The following AK8 variants were observed in gnomAD, a reference collection of about 807,000 sequenced individuals.
AK8 encodes the protein ATP-AMP transphosphorylase 8.
In AK8, 44 loss-of-function variants were observed where a neutral mutation model predicts 54.6. That is an observed-to-expected ratio of 0.81 (90% CI 0.63 to 1.04). The LOEUF is 1.04. AK8 is among the 50% of genes least tolerant of loss of function. The pLI is 0.00. For synonymous variants in AK8, 239 were observed against 245.6 expected, an observed-to-expected ratio of 0.97 and a Z score of 0.25; for missense variants, 555 against 613.6, an observed-to-expected ratio of 0.90 and a Z score of 1.01.
rs1475746465 is a variant in AK8, at chr9:132,791,838, C to T, written c.1121+796G>A. Among the ~76,000 whole-genome samples the T allele has an allele frequency of 1.3e-5, 2 of 152,190 alleles. No individual in the cohort carries two copies. The highest frequency in any genetic ancestry group is 4.8e-5 in the African/African-American group (2 of 41,436). ...GACTTGATCAGGAATTGACAGCTTC[C>T]CTCATTTTTGCCACCATTTGCAAGG... On this transcript the variant is annotated intron_variant, in intron 11 of 12. Coordinates refer to ENST00000298545, the MANE Select transcript of AK8 (RefSeq NM_152572.3). The surrounding 1 kb of genome is among the most constrained non-coding windows in gnomAD (Gnocchi z 4.0).
chr9:132,874,908 A>G lies in AK8; in HGVS notation c.169+207T>C, dbSNP rs367887143. Among the ~76,000 whole-genome samples the G allele has an allele frequency of 2.6e-5, 4 of 152,306 alleles. No homozygotes were observed. In the East Asian group the frequency reaches 7.7e-4, roughly 29 times the overall value. On this transcript the variant is annotated intron_variant, in intron 2 of 12. Transcript: ENST00000298545. ...CCAAAAGAAATCAAGGCATTTTTCAATGAACCACCACCTCAAGTTGATGAA... is the reference window on the plus strand; with the variant it reads ...CCAAAAGAAATCAAGGCATTTTTCAGTGAACCACCACCTCAAGTTGATGAA...
chr9:132,827,729 G>C, intron 7 of AK8: 1 of 449,076 alleles, frequency 2.2e-6, no homozygotes, highest in Non-Finnish European at 4.0e-6. Flanking sequence ...CCTGGCTCCT[G>C]TGTGGGCCCC....
chr9:132,871,318 C>T (rs1213669360), intron 2 of AK8, among the ~76,000 whole-genome samples: 12 of 152,086 alleles, frequency 7.9e-5, no homozygotes, highest in Non-Finnish European at 5.9e-5. Context: ...CCCCTGTCTC[C>T]CTTCCTCCTT....
chr9:132,766,986 T>C (rs1838751276), intron 11 of AK8, among the ~76,000 whole-genome samples: 1 of 152,094 alleles, frequency 6.6e-6, no homozygotes, highest in Admixed American at 6.6e-5. Context: ...CAAATCAAAA[T>C]AGATTGAAGA....
chr9:132,852,944 G>A (rs754848624), intron 5 of AK8, among the ~76,000 whole-genome samples: 2 of 151,928 alleles, frequency 1.3e-5, no homozygotes, highest in Non-Finnish European at 2.9e-5. Flanking sequence ...AGAAATAAAG[G>A]CTAAAAACTT....
intron 5 of AK8, among the ~76,000 whole-genome samples, chr9:132,841,581 C>T (rs115731603): frequency 3.3e-4 from 51 of 152,320 alleles, no homozygotes; most frequent in African/African-American, 1.2e-3. Context: ...CCTGACCTGC[C>T]AGTCAGGTAG....
chr9:132,739,848 C>T (rs1837286020), intron 11 of AK8, among the ~76,000 whole-genome samples: 1 of 152,228 alleles, frequency 6.6e-6, no homozygotes, highest in African/African-American at 2.4e-5. Context: ...GGTCCAGGCC[C>T]CAAGGGGGAG....
rs1840587603 is a variant in AK8 at position 132,803,932 on chromosome 9, C to T, written c.979+10706G>A. On this transcript the variant is annotated intron_variant, in intron 10 of 12. Coordinates refer to ENST00000298545, the MANE Select transcript of AK8 (RefSeq NM_152572.3). The surrounding 1 kb of genome is among the most constrained non-coding windows in gnomAD (Gnocchi z 4.4). ...GGAGACCTGGCCAATATGGTGAAAC[C>T]CCATCTCTACTAAAAATACAAAAAT... Among the ~76,000 whole-genome samples the T allele has an allele frequency of 6.6e-6, 1 of 151,870 alleles. No individual in the cohort carries two copies. Among genetic ancestry groups the T allele is most frequent in the Admixed American group, 6.6e-5 (1 of 15,246 alleles).
At chr9:132,736,675 C>T (rs945663174) in intron 11 of AK8, among the ~76,000 whole-genome samples, 1 of 151,116 alleles carries the variant, frequency 6.6e-6, no homozygotes, top group Non-Finnish European at 1.5e-5. Flanking sequence ...GTCCCAGCTA[C>T]TCCGGAGGCT....
intron 11 of AK8, among the ~76,000 whole-genome samples, chr9:132,733,617 A>T (rs1836964856): frequency 6.6e-6 from 1 of 152,242 alleles, no homozygotes; most frequent in African/African-American, 2.4e-5. Context: ...GCCCTGCTCC[A>T]TGCTGGAAGC....
intron 5 of AK8, among the ~76,000 whole-genome samples, chr9:132,829,656 A>C (rs1842028458): frequency 6.6e-6 from 1 of 151,536 alleles, no homozygotes; most frequent in South Asian, 2.1e-4. Flanking sequence ...AACTTGTTAC[A>C]GGATTGAAAT....
At position 132,758,932 on chromosome 9, in the gene AK8, G is replaced by A. The variant is rs1014324820; in HGVS notation, c.1122-31398C>T. ...TACAGTTCCAGCCGGGCATGACAGC[G>A]CATGCCTGTAATCCCAGGACTTTGG... On this transcript the variant is annotated intron_variant, in intron 11 of 12. Transcript: ENST00000298545. Among the ~76,000 whole-genome samples, 14 of 152,008 alleles carry A rather than the reference G, an allele frequency of 9.2e-5. No individual in the cohort carries two copies. The East Asian group carries it at 1.4e-3, about 15-fold the overall frequency.
intron 2 of AK8, among the ~76,000 whole-genome samples, chr9:132,868,126 C>T (rs1188018038): frequency 1.3e-5 from 2 of 152,204 alleles, no homozygotes; most frequent in East Asian, 3.8e-4. Flanking sequence ...CTCACATGAG[C>T]CTCTAACGTC....
At chr9:132,851,222 C>T (rs554309828) in intron 5 of AK8, among the ~76,000 whole-genome samples, 26 of 152,346 alleles carry the variant, frequency 1.7e-4, no homozygotes, top group Non-Finnish European at 3.5e-4. Context: ...CTCCTGCCTC[C>T]AGGCAGTCCT....
chr9:132,772,856 T>C lies in AK8; in HGVS notation c.1121+19778A>G, dbSNP rs193092066. On this transcript the variant is annotated intron_variant, in intron 11 of 12. Coordinates refer to ENST00000298545, the MANE Select transcript of AK8 (RefSeq NM_152572.3). ...GGTACCAATTCTACCTTCAAAAGAC[T>C]TCTCACCACCTCCACAGCTACCACC... 8.1e-4 allele frequency among the ~76,000 whole-genome samples: 123 copies of C among 152,258 alleles called. 1 individual carries two copies. Among genetic ancestry groups the C allele is most frequent in the African/African-American group, 2.8e-3 (115 of 41,558 alleles).
chr9:132,771,108 C>T (rs542105243), intron 11 of AK8, among the ~76,000 whole-genome samples: 2 of 152,326 alleles, frequency 1.3e-5, no homozygotes, highest in East Asian at 3.9e-4. Flanking sequence ...AGTCCGAGTC[C>T]GTCTCCACTG....
chr9:132,856,753 G>A (rs1843187965), intron 4 of AK8, among the ~76,000 whole-genome samples: 1 of 152,132 alleles, frequency 6.6e-6, no homozygotes, highest in African/African-American at 2.4e-5. Context: ...CGGGAGCTGC[G>A]GCAGCCACTT....
At chr9:132,732,395 ATTCAGGATTATATCT>A (rs879404106) in intron 11 of AK8, among the ~76,000 whole-genome samples, 9 of 152,000 alleles carry the variant, frequency 5.9e-5, no homozygotes, top group Non-Finnish European at 1.2e-4. Context: ...CTTCTATGGC[ATTCAGGATTATATCT>A]TTCAGGATTA....
intron 4 of AK8, among the ~76,000 whole-genome samples, chr9:132,857,513 C>G (rs1449060062): frequency 6.6e-6 from 1 of 152,098 alleles, no homozygotes; most frequent in Admixed American, 6.5e-5. Context: ...CCCTCTGCAT[C>G]CCCCCTCCGT....
Sources: gnomAD v4.1 joint callset for allele counts (sites outside exome capture counted in the v4.1 genomes callset) on GRCh38, gnomAD v4.1.1 for gene constraint, Gnocchi (gnomAD v3.1) non-coding constraint, MANE v1.5 for transcripts, NCBI Gene and HGNC (gene_info 2026-07-23, HGNC 2026-07-21) for gene names.